TMEM223: variants seen among roughly 807,000 people sequenced by gnomAD.
The protein encoded by TMEM223 is transmembrane protein 223.
In TMEM223, 14 loss-of-function variants were observed where a neutral mutation model predicts 14.1. The ratio of observed to expected loss-of-function variants is 0.99; its 90% CI spans 0.66 to 1.55. TMEM223 has a LOEUF of 1.55. Ranked by LOEUF, TMEM223 falls within the 40% of genes most tolerant of loss-of-function variation. The pLI, the probability that TMEM223 is intolerant of heterozygous loss-of-function variation, is 0.00. For missense variants in TMEM223, 346 were observed against 269.9 expected, an observed-to-expected ratio of 1.28 and a Z score of -1.97; for synonymous variants, 145 against 120.5, an observed-to-expected ratio of 1.20 and a Z score of -1.33.
At chr11:62,787,342 A>G (rs2584916), downstream of TMEM223, 101,801 of 1,523,776 alleles carry the variant, frequency 0.067, 4,845 homozygotes, top group African/African-American at 0.21. Context: ...GCCCCCGGAA[A>G]TGACGTCTCC....
intron 1 of TMEM223, among the ~76,000 whole-genome samples, chr11:62,791,134 A>G (rs982184611): frequency 1.3e-5 from 2 of 152,004 alleles, no homozygotes; most frequent in Non-Finnish European, 2.9e-5. Context: ...CAACCTTAAT[A>G]GATGTCCGTT....
At chr11:62,779,805 AC>A (rs1270425406) in intron 1 of TMEM223, among the ~76,000 whole-genome samples, 1 of 149,744 alleles carries the variant, frequency 6.7e-6, no homozygotes, top group Non-Finnish European at 1.5e-5. Flanking sequence ...AGCTGGGATT[AC>A]AGGGGCATAC....
At chr11:62,776,896 C>G (rs1199226993) in intron 1 of TMEM223, among the ~76,000 whole-genome samples, 1 of 150,696 alleles carries the variant, frequency 6.6e-6, no homozygotes, top group Non-Finnish European at 1.5e-5. Context: ...CACCTAAAAT[C>G]CCAGCACTTT....
At chr11:62,777,892 G>A in intron 1 of TMEM223, 1 of 1,499,436 alleles carries the variant, frequency 6.7e-7, no homozygotes, top group Non-Finnish European at 9.1e-7. Flanking sequence ...TGGGCTCTCT[G>A]CTCTGGTCAG....
At chr11:62,782,848 C>A, downstream of TMEM223, 1 of 1,613,066 alleles carries the variant, frequency 6.2e-7, no homozygotes, top group African/African-American at 1.3e-5. Flanking sequence ...GCCTTTCTCA[C>A]ACAGCCGTAA....
chr11:62,771,502 T>G (rs1404581652), downstream of TMEM223: 1 of 156,844 alleles, frequency 6.4e-6, no homozygotes, highest in Non-Finnish European at 1.4e-5. Context: ...TGAGCAGGCC[T>G]TGCTCTGGTC....
intron 1 of TMEM223, chr11:62,781,892 A>G: frequency 6.2e-7 from 1 of 1,614,072 alleles, no homozygotes; most frequent in Non-Finnish European, 8.5e-7. Flanking sequence ...CCTTCCTTTT[A>G]GGTTGCACTC....
intron 1 of TMEM223, among the ~76,000 whole-genome samples, chr11:62,779,952 C>CTACATATATATATATATATATA (rs1554996873): frequency 2.0e-5 from 2 of 100,056 alleles, no homozygotes; most frequent in African/African-American, 8.9e-5. Context: ...AGGCGTGAGC[C>CTACATATATATATATATATATA]TATATATATA....
chr11:62,790,470 C>A lies in TMEM223; in HGVS notation c.*153G>T. On this transcript the variant is annotated 3_prime_UTR_variant, in exon 2 of 2. Coordinates refer to ENST00000307366, the MANE Select transcript of TMEM223 (RefSeq NM_001080501.3). ...TTTTTTTTGTAAATAGAGACAAGGT[C>A]TCGCTATGTTGCCCAGCCTGGGCTC... is the stretch of plus-strand genomic sequence containing the variant. 2 of 581,940 alleles carry A rather than the reference C, an allele frequency of 3.4e-6. No homozygotes were observed. The highest frequency in any genetic ancestry group is 2.9e-6 in the Non-Finnish European group (1 of 350,644). The allele number at this position is 581,940 out of a possible 1,614,324, so 36.0% of individuals were successfully genotyped here. A position where few individuals can be genotyped will look rare whatever the true frequency, so the allele number is the denominator to read the frequency against.
downstream of TMEM223, chr11:62,786,499 A>T: frequency 1.3e-6 from 2 of 1,569,166 alleles, no homozygotes; most frequent in Non-Finnish European, 1.7e-6. Context: ...TGCCTATCTT[A>T]GTCCTTGGCT....
intron 1 of TMEM223, chr11:62,776,270 C>G: frequency 9.6e-7 from 1 of 1,039,280 alleles, no homozygotes; most frequent in Non-Finnish European, 1.5e-6. Flanking sequence ...GGCTTCTGAT[C>G]CCTAAGCGTG....
intron 1 of TMEM223, chr11:62,775,585 G>A (rs970947796): frequency 1.3e-4 from 79 of 598,646 alleles, no homozygotes; most frequent in African/African-American, 1.2e-3. Flanking sequence ...TAGCTTCACC[G>A]TTCTTGACCC....
chr11:62,790,909 A>G lies in TMEM223; in HGVS notation c.323T>C (p.Leu108Pro). ...LAVGCGAIGA[L>P]VLGAGLLFSL... Reference sequence around the variant, plus strand: ...GAAGAGAAGACCAGCACCGAGTACGAGGGCTCCTGCAGGCAGGGCAGAGAT... The same window carrying G: ...GAAGAGAAGACCAGCACCGAGTACGGGGGCTCCTGCAGGCAGGGCAGAGAT... Residue 108 changes from leucine to proline, a missense_variant, in exon 2 of 2, where the codon CTC (leucine) becomes CCC (proline). Coordinates refer to ENST00000307366, the MANE Select transcript of TMEM223 (RefSeq NM_001080501.3). 1 of 1,576,514 alleles carries G rather than the reference A, an allele frequency of 6.3e-7. No homozygotes were observed. The highest frequency in any genetic ancestry group is 1.3e-5 in the African/African-American group (1 of 74,128).
At chr11:62,771,291 T>C (rs1316242374), downstream of TMEM223, 1 of 152,374 alleles carries the variant, frequency 6.6e-6, no homozygotes, top group East Asian at 1.9e-4. Context: ...CTACAGTCTG[T>C]TCACACTGGC....
In TMEM223 at chr11:62,790,458, TAG is replaced by T; in HGVS notation, c.*163_*164del. 1 of 533,560 alleles carries T rather than the reference TAG, an allele frequency of 1.9e-6. No homozygotes were observed. Among genetic ancestry groups the T allele is most frequent in the Admixed American group, 3.8e-5 (1 of 26,652 alleles). 33.1% of individuals were successfully genotyped at this position (533,560 alleles called of 1,614,324 possible). ...TTTTTTTTGTTTTTTTTTTTGTAAA[TAG>T]AGACAAGGTCTCGCTATGTTGCCCA... On this transcript the variant is annotated 3_prime_UTR_variant, in exon 2 of 2. Transcript: ENST00000307366.
At position 62,790,449 on chromosome 11, in the gene TMEM223, T is replaced by G. The variant is rs1378607900; in HGVS notation, c.*174A>C. On this transcript the variant is annotated 3_prime_UTR_variant, in exon 2 of 2. Transcript: ENST00000307366. ...GATTGGCGTTTTTTTTTGTTTTTTT[T>G]TTTGTAAATAGAGACAAGGTCTCGC... The G allele has an allele frequency of 3.2e-6, 2 of 617,300 alleles. No individual in the cohort carries two copies. The highest frequency in any genetic ancestry group is 5.4e-6 in the Non-Finnish European group (2 of 371,914). 38.2% of individuals were successfully genotyped at this position (617,300 alleles called of 1,614,324 possible).
At chr11:62,785,780 T>A (rs1590939002), downstream of TMEM223, among the ~76,000 whole-genome samples, 1 of 140,526 alleles carries the variant, frequency 7.1e-6, no homozygotes, top group Non-Finnish European at 1.6e-5. Flanking sequence ...GGTGATCCAC[T>A]GGCCTCGGCC....
chr11:62,775,622 G>T, intron 1 of TMEM223: 1 of 790,614 alleles, frequency 1.3e-6, no homozygotes, highest in African/African-American at 1.7e-5. Context: ...CCTTCTCTGA[G>T]CCTCACTTTC....
intron 1 of TMEM223, among the ~76,000 whole-genome samples, chr11:62,779,459 T>A (rs1216992338): frequency 1.3e-5 from 2 of 151,996 alleles, no homozygotes; most frequent in South Asian, 2.1e-4. Flanking sequence ...CCTCCTAAAG[T>A]GCTGGGATTA....
Sources: gnomAD v4.1 joint callset for allele counts (sites outside exome capture counted in the v4.1 genomes callset) on GRCh38, gnomAD v4.1.1 for gene constraint, MANE v1.5 for transcripts, NCBI Gene and HGNC (gene_info 2026-07-23, HGNC 2026-07-21) for gene names.